Variants in MAP3K4 observed in about 807,000 individuals in gnomAD.
MAP3K4 encodes MAP three kinase 1.
A neutral mutation model predicts 185.6 loss-of-function variants in MAP3K4; 67 were observed. The ratio of observed to expected loss-of-function variants is 0.36; its 90% CI spans 0.30 to 0.44. MAP3K4 has a LOEUF of 0.44. Ranked by LOEUF, MAP3K4 falls within the 20% of genes least tolerant of loss-of-function variation. The pLI, the probability that MAP3K4 is intolerant of heterozygous loss-of-function variation, is 1.00. For synonymous variants in MAP3K4, 702 were observed against 710.4 expected (o/e 0.99, Z 0.19); for missense variants, 1,551 against 1,995.1 (o/e 0.78, Z 4.24).
chr6:161,082,478 GC>G lies in MAP3K4; in HGVS notation c.2255+1442del, dbSNP rs1785504965. On this transcript the variant is annotated intron_variant, in intron 6 of 26. Coordinates refer to ENST00000392142, the MANE Select transcript of MAP3K4 (RefSeq NM_005922.4). This position sits in a 1 kb window ranked among gnomAD's most constrained non-coding sequence, Gnocchi z 4.2. ...CAAATTCCCTAGAGTGCAGTCTCTG[GC>G]CTTTGCTTTCATGATCCTCGCCCTG... Among the ~76,000 whole-genome samples, 3 of 151,714 alleles carry G rather than the reference GC, an allele frequency of 2.0e-5. No homozygotes were observed. Among genetic ancestry groups the G allele is most frequent in the African/African-American group, 4.9e-5 (2 of 41,148 alleles).
chr6:160,999,624 G>A (rs1351719420), intron 1 of MAP3K4, among the ~76,000 whole-genome samples: 1 of 152,136 alleles, frequency 6.6e-6, no homozygotes, highest in East Asian at 1.9e-4. Context: ...GCCTAGAGGG[G>A]CTGCAGCTTT....
rs566934831 is a variant in MAP3K4 at position 161,037,039 on chromosome 6, C to T, written c.343+2590C>T. 1.3e-5 allele frequency among the ~76,000 whole-genome samples: 2 copies of T among 152,308 alleles called. No homozygotes were observed. Among genetic ancestry groups the T allele is most frequent in the Non-Finnish European group, 2.9e-5 (2 of 68,034 alleles). On this transcript the variant is annotated intron_variant, in intron 2 of 26. Transcript: ENST00000392142. The surrounding 1 kb of genome is among the most constrained non-coding windows in gnomAD (Gnocchi z 4.2). ...CTTTCAATTTTAAATGTCTCAGTCA[C>T]ATGTATATTAGAAAGTGGCTTCACA...
rs955516471 is a variant in MAP3K4, at chr6:161,096,747, C to T, written c.3428-333C>T. 2 of 211,388 alleles carry T rather than the reference C, an allele frequency of 9.5e-6. No homozygotes were observed. The highest frequency in any genetic ancestry group is 9.2e-5 in the South Asian group (1 of 10,850). The allele number at this position is 211,388 out of a possible 1,614,324, so 13.1% of individuals were successfully genotyped here. The stretch of plus-strand genomic sequence containing the variant: ...TAACGTGTAGACAACATAAAGAACT[C>T]CTTTTTATTAGGGAGATACCACATT... On this transcript the variant is annotated intron_variant, in intron 15 of 26. Transcript: ENST00000392142. This position sits in a 1 kb window ranked among gnomAD's most constrained non-coding sequence, Gnocchi z 4.9.
chr6:161,105,520 T>C (rs1778027620), intron 19 of MAP3K4, among the ~76,000 whole-genome samples: 1 of 152,208 alleles, frequency 6.6e-6, no homozygotes, highest in Admixed American at 6.5e-5. Flanking sequence ...TAGAGCCCTT[T>C]TTCTGTACTC....
rs147499694 is a variant in MAP3K4 at position 161,048,884 on chromosome 6, G to A, written c.612G>A (p.Met204Ile). The A allele has an allele frequency of 2.6e-4, 422 of 1,614,038 alleles. No homozygotes were observed. The highest frequency in any genetic ancestry group is 3.3e-4 in the Non-Finnish European group (385 of 1,180,032). ...CTAAGCTTCCAGTATCTGTGCCCAT[G>A]CCTATAGCCAGACCTGCACGCCAGA... is the stretch of plus-strand genomic sequence containing the variant. ...SNAKLPVSVP[M>I]PIARPARQTS... The change falls in exon 3 of 27, where the codon ATG becomes ATA. Residue 204 changes from methionine to isoleucine, a missense_variant. Met to Ile is a conservative substitution (Grantham distance 10, BLOSUM62 1). Around this residue, in one of 16 missense-constraint regions of MAP3K4, gnomAD observed 287 missense variants for 268.8 expected, o/e 1.07. Transcript: ENST00000392142. The surrounding 1 kb of genome is among the most constrained non-coding windows in gnomAD (Gnocchi z 4.7).
intron 1 of MAP3K4, among the ~76,000 whole-genome samples, chr6:161,024,855 C>T (rs1239844588): frequency 6.6e-6 from 1 of 152,208 alleles, no homozygotes; most frequent in Admixed American, 6.5e-5. Flanking sequence ...GAGAGTTCAA[C>T]TCCACCTCCT....
At chr6:161,081,551 T>C (rs1007129342) in intron 6 of MAP3K4, among the ~76,000 whole-genome samples, 2 of 152,194 alleles carry the variant, frequency 1.3e-5, no homozygotes, top group Non-Finnish European at 2.9e-5. Context: ...GTAGTGCTCA[T>C]CACAGACTCT....
In MAP3K4 at chr6:161,067,571, G is replaced by A. The variant is rs1055863646; in HGVS notation, c.1708-3037G>A. Among the ~76,000 whole-genome samples, 6 of 152,080 alleles carry A rather than the reference G, an allele frequency of 3.9e-5. No individual in the cohort carries two copies. The highest frequency in any genetic ancestry group is 2.0e-4 in the Admixed American group (3 of 15,278). On this transcript the variant is annotated intron_variant, in intron 3 of 26. Coordinates refer to ENST00000392142, the MANE Select transcript of MAP3K4 (RefSeq NM_005922.4). The surrounding 1 kb of genome is among the most constrained non-coding windows in gnomAD (Gnocchi z 6.3). ...GGTGTGTACTAATTTAAGTGCAAAAGTATGTATTAAATGTAGAAGGATAAA... is the reference window on the plus strand; with the variant it reads ...GGTGTGTACTAATTTAAGTGCAAAAATATGTATTAAATGTAGAAGGATAAA...
At chr6:160,998,509 A>G (rs905218898) in intron 1 of MAP3K4, among the ~76,000 whole-genome samples, 2 of 152,212 alleles carry the variant, frequency 1.3e-5, no homozygotes, top group African/African-American at 4.8e-5. Context: ...TGTGATATAA[A>G]GAGAATATTG....
At chr6:161,040,772 G>T (rs1445549725) in intron 2 of MAP3K4, among the ~76,000 whole-genome samples, 1 of 152,180 alleles carries the variant, frequency 6.6e-6, no homozygotes, top group Non-Finnish European at 1.5e-5. Context: ...TTACAGAAAA[G>T]ACTTTTTAAA....
chr6:161,098,309 C>T lies in MAP3K4; in HGVS notation c.3556C>T (p.His1186Tyr). The T allele has an allele frequency of 6.3e-7, 1 of 1,594,056 alleles. No individual in the cohort carries two copies. The highest frequency in any genetic ancestry group is 8.5e-7 in the Non-Finnish European group (1 of 1,175,036). Reference protein sequence around the residue: ...TRSMPSDARSHGSPAAAAAAA... With the variant: ...TRSMPSDARSYGSPAAAAAAA... Reference sequence around the variant, plus strand: ...GAGCATGCCTTCCGACGCGCGGAGCCATGGCAGCCCTGCTGCTGCTGCTGC... The same window carrying T: ...GAGCATGCCTTCCGACGCGCGGAGCTATGGCAGCCCTGCTGCTGCTGCTGC... The change falls in exon 17 of 27, where the codon CAT becomes TAT. Residue 1186 changes from histidine (H) to tyrosine (Y), a missense_variant. By Grantham distance (83) the His-to-Tyr change is moderately conservative. Around this residue, in one of 16 missense-constraint regions of MAP3K4, gnomAD observed 272 missense variants for 301.2 expected, o/e 0.90. Transcript: ENST00000392142. This position sits in a 1 kb window ranked among gnomAD's most constrained non-coding sequence, Gnocchi z 4.4.
At chr6:161,026,408 T>G (rs549420292) in intron 1 of MAP3K4, among the ~76,000 whole-genome samples, 6 of 152,224 alleles carry the variant, frequency 3.9e-5, no homozygotes, top group Non-Finnish European at 7.4e-5. Context: ...GTGCTGGGAT[T>G]ACAGGCATGA....
In MAP3K4 at chr6:161,093,107, T is replaced by C; in HGVS notation, c.3348+51T>C. 1 of 1,256,510 alleles carries C rather than the reference T, an allele frequency of 8.0e-7. No homozygotes were observed. Among genetic ancestry groups the C allele is most frequent in the Non-Finnish European group, 1.2e-6 (1 of 868,066 alleles). The allele number at this position is 1,256,510 out of a possible 1,614,324, so 77.8% of individuals were successfully genotyped here. ...CATTATAAAATAAGCCAGTCACTCC[T>C]TATTTTCTGGTTGTATATGTTTTAT... On this transcript the variant is annotated intron_variant, in intron 14 of 26. Transcript: ENST00000392142. The surrounding 1 kb of genome is among the most constrained non-coding windows in gnomAD (Gnocchi z 5.2).
chr6:161,052,345 A>C (rs1306596335), intron 3 of MAP3K4, among the ~76,000 whole-genome samples: 1 of 152,204 alleles, frequency 6.6e-6, no homozygotes, highest in Non-Finnish European at 1.5e-5. Context: ...AGAGTTCTGA[A>C]TTCTCATCTG....
In MAP3K4 at chr6:161,101,584, A is replaced by G; in HGVS notation, c.3675-308A>G. ...GTGCTCTCAGGCTCGGGTGTTGGCTATGGAGAGATGAAAATGGAGCCCTCC... is the reference window on the plus strand; with the variant it reads ...GTGCTCTCAGGCTCGGGTGTTGGCTGTGGAGAGATGAAAATGGAGCCCTCC... On this transcript the variant is annotated intron_variant, in intron 17 of 26. Transcript: ENST00000392142. This position sits in a 1 kb window ranked among gnomAD's most constrained non-coding sequence, Gnocchi z 5.1. The G allele has an allele frequency of 4.8e-6, 1 of 208,282 alleles. No individual in the cohort carries two copies. Among genetic ancestry groups the G allele is most frequent in the Non-Finnish European group, 9.5e-6 (1 of 104,844 alleles). 12.9% of individuals were successfully genotyped at this position (208,282 alleles called of 1,614,324 possible). A position where few individuals can be genotyped will look rare whatever the true frequency, so the allele number is the denominator to read the frequency against.
chr6:161,000,901 G>A (rs1781254223), intron 1 of MAP3K4, among the ~76,000 whole-genome samples: 2 of 147,468 alleles, frequency 1.4e-5, no homozygotes, highest in African/African-American at 5.0e-5. Context: ...ATACATATAT[G>A]TACACACACA....
chr6:160,999,010 G>A (rs924552222), intron 1 of MAP3K4, among the ~76,000 whole-genome samples: 1 of 152,174 alleles, frequency 6.6e-6, no homozygotes, highest in Non-Finnish European at 1.5e-5. Flanking sequence ...TCATATGGAT[G>A]CCACGTGTTT....
chr6:161,073,943 C>T lies in MAP3K4; in HGVS notation c.2097+331C>T, dbSNP rs1341002833. Among the ~76,000 whole-genome samples, 3 of 152,156 alleles carry T rather than the reference C, an allele frequency of 2.0e-5. No individual in the cohort carries two copies. In the East Asian group the frequency reaches 5.8e-4, roughly 29 times the overall value. ...TTCATTCTTTACTTGTAGAATAGTT[C>T]ATCTTATGGCAGAATGGCCCAGAAG... On this transcript the variant is annotated intron_variant, in intron 5 of 26. Coordinates refer to ENST00000392142, the MANE Select transcript of MAP3K4 (RefSeq NM_005922.4). This position sits in a 1 kb window ranked among gnomAD's most constrained non-coding sequence, Gnocchi z 4.2.
Position 161,100,768 on chromosome 6 carries a change from C to T in MAP3K4, c.3675-1124C>T. On this transcript the variant is annotated intron_variant, in intron 17 of 26. Coordinates refer to ENST00000392142, the MANE Select transcript of MAP3K4 (RefSeq NM_005922.4). This position sits in a 1 kb window ranked among gnomAD's most constrained non-coding sequence, Gnocchi z 5.8. ...AAAAATTAGAGGTGTTTAGTGACTT[C>T]TTGGTCTCACCAGTGGTCTTTGTTG... Among the ~76,000 whole-genome samples, 1 of 152,196 alleles carries T rather than the reference C, an allele frequency of 6.6e-6. No homozygotes were observed. The highest frequency in any genetic ancestry group is 2.1e-4 in the South Asian group (1 of 4,836).
Sources: allele counts gnomAD v4.1 joint callset (sites outside exome capture counted in the v4.1 genomes callset), GRCh38; gene constraint gnomAD v4.1.1; regional missense constraint gnomAD v4.1.1; non-coding constraint Gnocchi (gnomAD v3.1); transcripts MANE v1.5; gene names NCBI Gene and HGNC (gene_info 2026-07-23, HGNC 2026-07-21).